The following FSTL4 variants were observed in gnomAD, a reference collection of about 807,000 sequenced individuals.
The protein encoded by FSTL4 is follistatin-related protein 4.
FSTL4 carries 28 observed loss-of-function variants against 78.2 expected under a neutral mutation model. The ratio of observed to expected loss-of-function variants is 0.36; its 90% CI spans 0.27 to 0.49. FSTL4 has a LOEUF of 0.49. Ranked by LOEUF, FSTL4 falls within the 20% of genes least tolerant of loss-of-function variation. The probability of loss-of-function intolerance (pLI) is 0.98; values close to 1 mark genes in which losing one functional copy is unlikely to be tolerated. For missense variants in FSTL4, 922 were observed against 1,084.9 expected (o/e 0.85, Z 2.11); for synonymous variants, 422 against 440.5 (o/e 0.96, Z 0.53).
the FSTL4 span, among the ~76,000 whole-genome samples, chr5:133,817,127 G>A: frequency 3.9e-5 from 6 of 152,178 alleles, no homozygotes; most frequent in African/African-American, 7.2e-5. Flanking sequence ...TCACTACCCC[G>A]CTGTGTTAAG....
At chr5:133,202,110 ACGCT>A in intron 14 of FSTL4, 68 bp from the exon 15 acceptor site, 13 of 986,464 alleles carry the variant, frequency 1.3e-5, no homozygotes, top group Non-Finnish European at 1.8e-5. Context: ...AGACACCTGT[ACGCT>A]CAGGTGGAGT....
chr5:133,377,372 G>A (rs1322929169), intron 4 of FSTL4, among the ~76,000 whole-genome samples: 2 of 152,236 alleles, frequency 1.3e-5, no homozygotes, highest in Non-Finnish European at 2.9e-5. Flanking sequence ...TAAGAGAACT[G>A]GGCCATTATG....
chr5:133,417,733 G>C (rs768187152), intron 3 of FSTL4, among the ~76,000 whole-genome samples: 20 of 151,982 alleles, frequency 1.3e-4, no homozygotes, highest in Non-Finnish European at 1.3e-4. Flanking sequence ...TGAGGCAGGT[G>C]GATCACTTGA....
the FSTL4 span, among the ~76,000 whole-genome samples, chr5:133,646,786 GA>G: frequency 6.6e-6 from 1 of 152,098 alleles, no homozygotes; most frequent in South Asian, 2.1e-4. Flanking sequence ...ATTGAGTTGA[GA>G]AGATAAGAAG....
At chr5:133,837,220 C>G in the FSTL4 span, among the ~76,000 whole-genome samples, 170 of 151,894 alleles carry the variant, frequency 1.1e-3, no homozygotes, top group African/African-American at 3.6e-3. Context: ...CCATTAAATC[C>G]CTCTATTGAA....
chr5:133,252,990 G>A (rs922383353), intron 6 of FSTL4, among the ~76,000 whole-genome samples: 5 of 152,208 alleles, frequency 3.3e-5, no homozygotes, highest in African/African-American at 9.7e-5. Flanking sequence ...TAGAACCATC[G>A]TAGTTCTGCT....
chr5:133,457,354 A>G (rs1757511897), intron 3 of FSTL4, among the ~76,000 whole-genome samples: 1 of 152,188 alleles, frequency 6.6e-6, no homozygotes, highest in Non-Finnish European at 1.5e-5. Flanking sequence ...GACATTTTAT[A>G]GATTTCAGCA....
chr5:133,709,597 A>G, the FSTL4 span, among the ~76,000 whole-genome samples: 4 of 152,242 alleles, frequency 2.6e-5, no homozygotes, highest in Non-Finnish European at 5.9e-5. Flanking sequence ...AGCAGGCTAC[A>G]ACTCCTAAGT....
intron 3 of FSTL4, among the ~76,000 whole-genome samples, chr5:133,455,481 A>G (rs947032724): frequency 3.4e-4 from 3 of 8,710 alleles, no homozygotes; most frequent in African/African-American, 1.2e-3. Flanking sequence ...TTTTAAGCAT[A>G]TATATATATA....
chr5:133,624,630 G>A, the FSTL4 span, among the ~76,000 whole-genome samples: 1 of 151,598 alleles, frequency 6.6e-6, no homozygotes, highest in Non-Finnish European at 1.5e-5. Context: ...ACATTTAGTG[G>A]GTTTATTTCT....
At chr5:133,621,899 C>T in the FSTL4 span, among the ~76,000 whole-genome samples, 2 of 152,044 alleles carry the variant, frequency 1.3e-5, no homozygotes, top group African/African-American at 4.8e-5. Flanking sequence ...GTACTCTTTA[C>T]CCAGTTTCCT....
chr5:133,592,705 G>C (rs1040338751), intron 2 of FSTL4, among the ~76,000 whole-genome samples: 3 of 152,094 alleles, frequency 2.0e-5, no homozygotes, highest in African/African-American at 7.2e-5. Context: ...TCCCAAGAGA[G>C]CTGGCTTTTA....
chr5:133,404,115 G>A (rs1179732268), intron 3 of FSTL4, among the ~76,000 whole-genome samples: 1 of 152,234 alleles, frequency 6.6e-6, no homozygotes, highest in Non-Finnish European at 1.5e-5. Flanking sequence ...TTGCAATTAA[G>A]ACAAAAGTAG....
intron 3 of FSTL4, among the ~76,000 whole-genome samples, chr5:133,524,121 G>A (rs1333140777): frequency 6.6e-6 from 1 of 152,206 alleles, no homozygotes; most frequent in Non-Finnish European, 1.5e-5. Context: ...CAGGCCCAGG[G>A]TGGGAGCAGG....
the FSTL4 span, among the ~76,000 whole-genome samples, chr5:133,657,673 T>TTA: frequency 6.6e-6 from 1 of 152,118 alleles, no homozygotes; most frequent in Non-Finnish European, 1.5e-5. Flanking sequence ...TTTATATAAT[T>TTA]CAAAATGTTA....
intron 4 of FSTL4, among the ~76,000 whole-genome samples, chr5:133,342,913 C>T (rs979888253): frequency 1.3e-5 from 2 of 152,070 alleles, no homozygotes; most frequent in African/African-American, 4.8e-5. Flanking sequence ...CCCAGAATAC[C>T]CTGGTTTCTG....
chr5:133,522,556 T>C (rs1406638936), intron 3 of FSTL4, among the ~76,000 whole-genome samples: 1 of 152,238 alleles, frequency 6.6e-6, no homozygotes, highest in Non-Finnish European at 1.5e-5. Context: ...CAAATCATGA[T>C]ATAATGCTGA....
intron 3 of FSTL4, 47 bp from the exon 4 acceptor site, chr5:133,401,033 G>T: frequency 6.2e-7 from 1 of 1,601,356 alleles, no homozygotes; most frequent in Non-Finnish European, 8.5e-7. Flanking sequence ...CACTCAGAGG[G>T]TCTGGGGTCG....
At position 133,462,923 on chromosome 5, in the gene FSTL4, TG is replaced by T. The variant is rs538592927; in HGVS notation, c.161-61938del. On this transcript the variant is annotated intron_variant, in intron 3 of 15. Coordinates refer to ENST00000265342, the MANE Select transcript of FSTL4 (RefSeq NM_015082.2). Reference sequence around the variant, plus strand: ...CCACACTCAGTTTCTGAGCTGCGCCTGGGCCAAGGTCTCAGAGATGGGAGAC... The same window carrying T: ...CCACACTCAGTTTCTGAGCTGCGCCTGGCCAAGGTCTCAGAGATGGGAGAC... Among the ~76,000 whole-genome samples the T allele has an allele frequency of 1.1e-3, 169 of 152,348 alleles. 3 individuals carry two copies. In the South Asian group the frequency reaches 0.034, roughly 31 times the overall value.
Sources: allele counts gnomAD v4.1 joint callset (sites outside exome capture counted in the v4.1 genomes callset), GRCh38; gene constraint gnomAD v4.1.1; transcripts MANE v1.5; gene names NCBI Gene and HGNC (gene_info 2026-07-23, HGNC 2026-07-21).